Variants in PI15 observed in about 807,000 individuals in gnomAD.
PI15 encodes the protein peptidase inhibitor 15.
A neutral mutation model predicts 31.0 loss-of-function variants in PI15; 18 were observed. That is an observed-to-expected ratio of 0.58 (90% CI 0.40 to 0.86). PI15 has a LOEUF of 0.86. Ranked by LOEUF, PI15 falls within the 40% of genes least tolerant of loss-of-function variation. The probability of loss-of-function intolerance (pLI) is 0.00; values close to 1 mark genes in which losing one functional copy is unlikely to be tolerated. For missense variants in PI15, 282 were observed against 328.1 expected (o/e 0.86, Z 1.09); for synonymous variants, 118 against 119.1 (o/e 0.99, Z 0.06).
At chr8:74,846,967 T>C (rs1308652215) in intron 5 of PI15, among the ~76,000 whole-genome samples, 1 of 152,178 alleles carries the variant, frequency 6.6e-6, no homozygotes, top group African/African-American at 2.4e-5. Flanking sequence ...TTCAATAAAA[T>C]CTGAGATTTA....
Position 74,853,836 on chromosome 8 carries a change from C to CTTTT in PI15, c.*4590_*4593dup, listed in dbSNP as rs35189713. 2 of 147,152 alleles carry CTTTT rather than the reference C, an allele frequency of 1.4e-5. No individual in the cohort carries two copies. The highest frequency in any genetic ancestry group is 5.0e-5 in the African/African-American group (2 of 40,276). The allele number at this position is 147,152 out of a possible 1,614,324, so 9.1% of individuals were successfully genotyped here. On this transcript the variant is annotated 3_prime_UTR_variant, in exon 6 of 6. Transcript: ENST00000260113. ...CAGTTCTGAGGCACTTATTAAAGTG[C>CTTTT]TTTTTTTTTTCTGAATTAATTAGGT... is the stretch of plus-strand genomic sequence containing the variant.
chr8:74,836,110 T>C (rs1322318961), intron 2 of PI15, among the ~76,000 whole-genome samples: 2 of 152,182 alleles, frequency 1.3e-5, no homozygotes, highest in South Asian at 4.1e-4. Flanking sequence ...ATTTTTGGCC[T>C]GAGCAATAAA....
intron 5 of PI15, among the ~76,000 whole-genome samples, chr8:74,847,029 T>C (rs910777851): frequency 2.6e-5 from 4 of 152,200 alleles, no homozygotes; most frequent in Non-Finnish European, 5.9e-5. Flanking sequence ...TGATACAATT[T>C]TATTTCCAAG....
chr8:74,839,698 G>A (rs916833897), intron 2 of PI15, among the ~76,000 whole-genome samples: 6 of 152,070 alleles, frequency 3.9e-5, no homozygotes, highest in African/African-American at 9.7e-5. Flanking sequence ...TAAGAGCTCC[G>A]TATATATTAG....
intron 2 of PI15, among the ~76,000 whole-genome samples, chr8:74,830,912 C>A (rs978239013): frequency 1.3e-5 from 2 of 152,110 alleles, no homozygotes; most frequent in Non-Finnish European, 2.9e-5. Flanking sequence ...TGGCAGGAGG[C>A]GTTTTCTCCA....
intron 5 of PI15, chr8:74,845,797 C>A (rs763691639): frequency 7.5e-6 from 2 of 266,584 alleles, no homozygotes; most frequent in Non-Finnish European, 1.4e-5. Flanking sequence ...ACCACACAAG[C>A]TTTTAATAGC....
chr8:74,838,425 C>A (rs2128764966), intron 2 of PI15, among the ~76,000 whole-genome samples: 1 of 152,140 alleles, frequency 6.6e-6, no homozygotes, highest in African/African-American at 2.4e-5. Context: ...AAAGTAATGT[C>A]AACTTTCATA....
Position 74,854,324 on chromosome 8 carries a change from AT to A in PI15, c.*5075del, listed in dbSNP as rs1012162523. On this transcript the variant is annotated 3_prime_UTR_variant, in exon 6 of 6. Coordinates refer to ENST00000260113, the MANE Select transcript of PI15 (RefSeq NM_015886.5). ...TTTCCAAATTGATACTTTCAAACTT[AT>A]TTTAAAGCAGTAGAACCTTTTCTAT... 6.6e-6 allele frequency: 1 copy of A among 152,066 alleles called. No individual in the cohort carries two copies. Among genetic ancestry groups the A allele is most frequent in the Non-Finnish European group, 1.5e-5 (1 of 67,934 alleles). The allele number at this position is 152,066 out of a possible 1,614,324, so 9.4% of individuals were successfully genotyped here.
In PI15 at chr8:74,853,192, G is replaced by A. The variant is rs576535851; in HGVS notation, c.*3939G>A. On this transcript the variant is annotated 3_prime_UTR_variant, in exon 6 of 6. Transcript: ENST00000260113. ...CAATTACCACATATCCTTGCTATAAGTTTTGAAGTTTCTTAGCAATTAAAG... is the reference window on the plus strand; with the variant it reads ...CAATTACCACATATCCTTGCTATAAATTTTGAAGTTTCTTAGCAATTAAAG... The A allele has an allele frequency of 2.0e-5, 3 of 152,660 alleles. No individual in the cohort carries two copies. In the East Asian group the frequency reaches 5.8e-4, roughly 29 times the overall value. The allele number at this position is 152,660 out of a possible 1,614,324, so 9.5% of individuals were successfully genotyped here.
At chr8:74,837,356 T>C (rs2128764802) in intron 2 of PI15, among the ~76,000 whole-genome samples, 1 of 152,262 alleles carries the variant, frequency 6.6e-6, no homozygotes, top group East Asian at 1.9e-4. Flanking sequence ...TTTCTCTTCC[T>C]CTGCCCCACC....
chr8:74,848,354 T>C (rs1351060319), intron 5 of PI15, among the ~76,000 whole-genome samples: 1 of 152,190 alleles, frequency 6.6e-6, no homozygotes, highest in Non-Finnish European at 1.5e-5. Context: ...TTTATGAAGA[T>C]TGGGAAACTA....
Position 74,852,300 on chromosome 8 carries a change from C to T in PI15, c.*3047C>T, listed in dbSNP as rs892951321. ...AATATAGGTTTTGGGGCTTCCATAT[C>T]ATCAAAAGACTGAAAAATTATAATT... On this transcript the variant is annotated 3_prime_UTR_variant, in exon 6 of 6. Coordinates refer to ENST00000260113, the MANE Select transcript of PI15 (RefSeq NM_015886.5). 6.6e-6 allele frequency: 1 copy of T among 151,816 alleles called. No individual in the cohort carries two copies. Among genetic ancestry groups the T allele is most frequent in the African/African-American group, 2.4e-5 (1 of 41,354 alleles). The allele number at this position is 151,816 out of a possible 1,614,324, so 9.4% of individuals were successfully genotyped here.
At chr8:74,844,585 A>C (rs1810997017) in intron 3 of PI15, among the ~76,000 whole-genome samples, 1 of 152,258 alleles carries the variant, frequency 6.6e-6, no homozygotes, top group South Asian at 2.1e-4. Flanking sequence ...ATGCAGGTAT[A>C]TGCAGCTATG....
chr8:74,831,906 G>C (rs1008919107), intron 2 of PI15, among the ~76,000 whole-genome samples: 1 of 152,018 alleles, frequency 6.6e-6, no homozygotes, highest in Non-Finnish European at 1.5e-5. Context: ...GATTAGTGTA[G>C]AGAAGAAAGA....
intron 5 of PI15, chr8:74,845,822 CAAGA>C (rs1047416970): frequency 7.3e-5 from 15 of 205,536 alleles, no homozygotes. Flanking sequence ...TAAAATAAAT[CAAGA>C]AAGAATCTTC....
chr8:74,849,394 G>C lies in PI15; in HGVS notation c.*141G>C. 1.8e-6 allele frequency: 1 copy of C among 563,992 alleles called. No individual in the cohort carries two copies. Among genetic ancestry groups the C allele is most frequent in the Non-Finnish European group, 3.0e-6 (1 of 334,496 alleles). 34.9% of individuals were successfully genotyped at this position (563,992 alleles called of 1,614,324 possible). On this transcript the variant is annotated 3_prime_UTR_variant, in exon 6 of 6. Coordinates refer to ENST00000260113, the MANE Select transcript of PI15 (RefSeq NM_015886.5). ...TCTTAGTATTCCTTTGTATAAATTA[G>C]TGTTTGTCTAGCATGTTTGTTTAAT...
Position 74,851,284 on chromosome 8 carries a change from T to G in PI15, c.*2031T>G, listed in dbSNP as rs2128766902. 6.6e-6 allele frequency: 1 copy of G among 152,216 alleles called. No individual in the cohort carries two copies. The highest frequency in any genetic ancestry group is 2.4e-5 in the African/African-American group (1 of 41,562). The allele number at this position is 152,216 out of a possible 1,614,324, so 9.4% of individuals were successfully genotyped here. A position where few individuals can be genotyped will look rare whatever the true frequency, so the allele number is the denominator to read the frequency against. On this transcript the variant is annotated 3_prime_UTR_variant, in exon 6 of 6. Transcript: ENST00000260113. The stretch of plus-strand genomic sequence containing the variant: ...AAAGGGAAGCTTATTCATGGAATAT[T>G]GGCTTGATTTATCTAGAAAGTTTTT...
chr8:74,836,153 G>A (rs564915004), intron 2 of PI15, among the ~76,000 whole-genome samples: 2 of 152,278 alleles, frequency 1.3e-5, no homozygotes, highest in East Asian at 3.9e-4. Flanking sequence ...TCTGTAAAGG[G>A]CCTGATAGTA....
chr8:74,827,709 C>T (rs1810720002), intron 2 of PI15, among the ~76,000 whole-genome samples: 1 of 152,156 alleles, frequency 6.6e-6, no homozygotes, highest in Admixed American at 6.6e-5. Flanking sequence ...TGGCAGGACC[C>T]CTGAAGATGT....
Sources: gnomAD v4.1 joint callset for allele counts (sites outside exome capture counted in the v4.1 genomes callset) on GRCh38, gnomAD v4.1.1 for gene constraint, MANE v1.5 for transcripts, NCBI Gene and HGNC (gene_info 2026-07-23, HGNC 2026-07-21) for gene names.